The following PDE8B variants were observed in gnomAD, a reference collection of about 807,000 sequenced individuals.
The protein encoded by PDE8B is phosphodiesterase 8B.
A neutral mutation model predicts 101.3 loss-of-function variants in PDE8B; 26 were observed. That is an observed-to-expected ratio of 0.26 (90% CI 0.19 to 0.36). The LOEUF (loss-of-function observed/expected upper bound fraction) is 0.36, where lower values mean the gene tolerates loss of function less well. Among genes scored for constraint, PDE8B ranks in the 10% least tolerant of loss-of-function variants. The pLI is 1.00. For missense variants in PDE8B, 810 were observed against 1,163.1 expected, an observed-to-expected ratio of 0.70 and a Z score of 4.42; for synonymous variants, 424 against 429.3, an observed-to-expected ratio of 0.99 and a Z score of 0.15.
intron 1 of PDE8B, among the ~76,000 whole-genome samples, chr5:77,229,014 G>T (rs187241588): frequency 1.3e-5 from 2 of 152,170 alleles, no homozygotes; most frequent in Non-Finnish European, 2.9e-5. Flanking sequence ...GAACATTCTT[G>T]TTAGGAAGCA....
In PDE8B at chr5:77,347,955, G is replaced by T. The variant is rs1356090406; in HGVS notation, c.877-1464G>T. Among the ~76,000 whole-genome samples, 3 of 152,146 alleles carry T rather than the reference G, an allele frequency of 2.0e-5. No individual in the cohort carries two copies. In the East Asian group the frequency reaches 5.8e-4, roughly 29 times the overall value. ...TGATGCCCTTCCCTGCCTAGGGAGG[G>T]CCCTGAGTACTACATGTCAGTAATG... On this transcript the variant is annotated intron_variant, in intron 7 of 21. Transcript: ENST00000264917.
At chr5:77,129,508 ACTTCCCCTC>A in the PDE8B span, among the ~76,000 whole-genome samples, 1 of 133,516 alleles carries the variant, frequency 7.5e-6, no homozygotes. Flanking sequence ...GAAATGGATT[ACTTCCCCTC>A]TGGTGGGTTT....
chr5:77,089,030 C>T, the PDE8B span, among the ~76,000 whole-genome samples: 13 of 152,196 alleles, frequency 8.5e-5, no homozygotes, highest in African/African-American at 2.9e-4. Flanking sequence ...GAGGAAGAAA[C>T]TGGTTGGGTA....
the PDE8B span, chr5:77,151,505 G>C: frequency 6.6e-6 from 1 of 152,264 alleles, no homozygotes; most frequent in Non-Finnish European, 1.5e-5. Context: ...GTTATAAAAA[G>C]AGGTTCTTGG....
chr5:77,293,368 C>T (rs1165208647), intron 1 of PDE8B, among the ~76,000 whole-genome samples: 1 of 150,786 alleles, frequency 6.6e-6, no homozygotes, highest in African/African-American at 2.5e-5. Context: ...AGAATCATTT[C>T]ACAAGTTTAA....
At chr5:77,224,780 T>C (rs1213090427) in intron 1 of PDE8B, among the ~76,000 whole-genome samples, 3 of 152,218 alleles carry the variant, frequency 2.0e-5, no homozygotes, top group Admixed American at 6.5e-5. Context: ...CCCTTTCCTC[T>C]CTTTCTTTTT....
intron 20 of PDE8B, among the ~76,000 whole-genome samples, chr5:77,424,812 T>G (rs565703196): frequency 9.3e-6 from 1 of 107,298 alleles, no homozygotes; most frequent in Admixed American, 9.9e-5. Context: ...ACTGGTTCTG[T>G]TTTTTTGTTT....
intron 1 of PDE8B, among the ~76,000 whole-genome samples, chr5:77,239,283 T>C (rs1561396533): frequency 6.6e-6 from 1 of 152,264 alleles, no homozygotes; most frequent in Admixed American, 6.5e-5. Context: ...AATTACATTT[T>C]TAAAGCCTTT....
intron 10 of PDE8B, among the ~76,000 whole-genome samples, chr5:77,371,124 T>G (rs1785015704): frequency 6.6e-6 from 1 of 152,220 alleles, no homozygotes; most frequent in South Asian, 2.1e-4. Context: ...TAAGAAGTTT[T>G]TAGTTTGATA....
At chr5:77,237,954 C>A (rs988962829) in intron 1 of PDE8B, among the ~76,000 whole-genome samples, 4 of 152,088 alleles carry the variant, frequency 2.6e-5, no homozygotes, top group Admixed American at 2.6e-4. Context: ...GGTGAGAAAC[C>A]TTTAGTCATT....
In PDE8B at chr5:77,211,036, G is replaced by A. The variant is rs1206625668; in HGVS notation, c.111G>A (p.Ala37=). 9 of 1,539,602 alleles carry A rather than the reference G, an allele frequency of 5.8e-6. No homozygotes were observed. The highest frequency in any genetic ancestry group is 1.4e-5 in the African/African-American group (1 of 70,518). The change falls in exon 1 of 22, where the codon GCG becomes GCA. Residue 37 remains alanine, a synonymous_variant. Transcript: ENST00000264917. The surrounding 1 kb of genome is among the most constrained non-coding windows in gnomAD (Gnocchi z 4.1). ...RQTTSVSQGP[A]APLPGLFVQT... is the part of the protein sequence containing the mutation. ...CCACCAGCGTGTCGCAGGGCCCGGC[G>A]GCACCCCTGCCCGGCCTCTTCGTCC...
At chr5:77,147,144 ATG>A in the PDE8B span, 2 of 342,280 alleles carry the variant, frequency 5.8e-6, no homozygotes, top group African/African-American at 2.2e-5. Flanking sequence ...GATGAAGATG[ATG>A]ATGATGATGA....
chr5:77,378,011 C>G (rs905731894), intron 10 of PDE8B, among the ~76,000 whole-genome samples: 1 of 91,302 alleles, frequency 1.1e-5, no homozygotes, highest in Non-Finnish European at 2.2e-5. Flanking sequence ...TCTCTCTCTA[C>G]ACACACACAC....
At chr5:77,376,530 A>T (rs1270825562) in intron 10 of PDE8B, among the ~76,000 whole-genome samples, 1 of 152,176 alleles carries the variant, frequency 6.6e-6, no homozygotes, top group Non-Finnish European at 1.5e-5. Flanking sequence ...AGGGACTGGG[A>T]CCTAACCACC....
rs138953882 is a variant in PDE8B at position 77,286,559 on chromosome 5, G to C, written c.340-25435G>C. On this transcript the variant is annotated intron_variant, in intron 1 of 21. Transcript: ENST00000264917. Reference sequence around the variant, plus strand: ...TCCAAATCTGCCTGCTTTTGTTCACGCTCCAGAGCCCTTAGGTTGTCATTT... The same window carrying C: ...TCCAAATCTGCCTGCTTTTGTTCACCCTCCAGAGCCCTTAGGTTGTCATTT... Among the ~76,000 whole-genome samples the C allele has an allele frequency of 5.9e-5, 9 of 152,026 alleles. No individual in the cohort carries two copies. In the East Asian group the frequency reaches 1.6e-3, roughly 26 times the overall value.
At chr5:77,290,625 C>T (rs1358732194) in intron 1 of PDE8B, 1 of 1,511,576 alleles carries the variant, frequency 6.6e-7, no homozygotes, top group Non-Finnish European at 9.2e-7. Context: ...GGGTGAAGTT[C>T]AGGAGTATGT....
In PDE8B at chr5:77,211,514, G is replaced by C. The variant is rs563122778; in HGVS notation, c.339+250G>C. Among the ~76,000 whole-genome samples, 1 of 152,390 alleles carries C rather than the reference G, an allele frequency of 6.6e-6. No individual in the cohort carries two copies. Among genetic ancestry groups the C allele is most frequent in the South Asian group, 2.1e-4 (1 of 4,830 alleles). ...TGGGGGACTGGGCGGGGAAGGGAGC[G>C]CAGAAGGAAGCAGGTGGGCTGGCCT... On this transcript the variant is annotated intron_variant, in intron 1 of 21. Coordinates refer to ENST00000264917, the MANE Select transcript of PDE8B (RefSeq NM_003719.5). The surrounding 1 kb of genome is among the most constrained non-coding windows in gnomAD (Gnocchi z 4.1).
At chr5:77,425,680 T>C in intron 20 of PDE8B, 87 bp from the exon 21 acceptor site, 1 of 1,404,810 alleles carries the variant, frequency 7.1e-7, no homozygotes, top group Non-Finnish European at 1.0e-6. Flanking sequence ...AATGACCCAT[T>C]TTCACAGGGT....
chr5:77,290,032 A>C (rs1203401892), intron 1 of PDE8B, among the ~76,000 whole-genome samples: 1 of 152,244 alleles, frequency 6.6e-6, no homozygotes, highest in Non-Finnish European at 1.5e-5. Flanking sequence ...TATCATCATA[A>C]TATCTATCAC....
Sources: gnomAD v4.1 joint callset for allele counts (sites outside exome capture counted in the v4.1 genomes callset) on GRCh38, gnomAD v4.1.1 for gene constraint, Gnocchi (gnomAD v3.1) non-coding constraint, MANE v1.5 for transcripts, NCBI Gene and HGNC (gene_info 2026-07-23, HGNC 2026-07-21) for gene names.